The following SORCS2 variants were observed in gnomAD, a reference collection of about 807,000 sequenced individuals.
The protein encoded by SORCS2 is sortilin related VPS10 domain containing receptor 2, also known as VPS10 domain-containing receptor SorCS2.
In SORCS2, 100 loss-of-function variants were observed where a neutral mutation model predicts 141.6. The observed-to-expected ratio is 0.71, with a 90% CI of 0.60 to 0.83. The LOEUF (loss-of-function observed/expected upper bound fraction) is 0.83. Ranked by LOEUF, SORCS2 falls within the 40% of genes least tolerant of loss-of-function variation. The probability of loss-of-function intolerance (pLI) is 0.00; values close to 1 mark genes in which losing one functional copy is unlikely to be tolerated. For missense variants in SORCS2, 1,646 were observed against 1,560.2 expected, an observed-to-expected ratio of 1.05 and a Z score of -0.93; for synonymous variants, 789 against 676.9, an observed-to-expected ratio of 1.17 and a Z score of -2.57.
At chr4:7,557,951 A>C (rs1280106703) in intron 3 of SORCS2, among the ~76,000 whole-genome samples, 1 of 152,234 alleles carries the variant, frequency 6.6e-6, no homozygotes. Context: ...AGGCAGAGCG[A>C]CCTACTCACA....
At chr4:7,639,536 T>C (rs1255884806) in intron 4 of SORCS2, among the ~76,000 whole-genome samples, 3 of 100,864 alleles carry the variant, frequency 3.0e-5, no homozygotes, top group Admixed American at 1.0e-4. Context: ...TGTGGGGGGG[T>C]GTTAGTGTGA....
At chr4:7,690,194 G>T (rs530076300) in intron 11 of SORCS2, among the ~76,000 whole-genome samples, 9 of 151,556 alleles carry the variant, frequency 5.9e-5, no homozygotes, top group Non-Finnish European at 1.3e-4. Context: ...TAGATGGATG[G>T]ATGAGTGGAT....
chr4:7,540,773 AC>A (rs1290702858), intron 3 of SORCS2, among the ~76,000 whole-genome samples: 1 of 151,238 alleles, frequency 6.6e-6, no homozygotes, highest in African/African-American at 2.4e-5. Flanking sequence ...TGGCTTTCCG[AC>A]CCCCCTGCCC....
intron 14 of SORCS2, among the ~76,000 whole-genome samples, chr4:7,710,098 A>G (rs1560501592): frequency 6.6e-6 from 1 of 152,146 alleles, no homozygotes; most frequent in African/African-American, 2.4e-5. Context: ...TAGTCAACCA[A>G]ACCAGCCTCT....
chr4:7,273,081 C>A (rs141406147), intron 1 of SORCS2, among the ~76,000 whole-genome samples: 1 of 152,368 alleles, frequency 6.6e-6, no homozygotes, highest in African/African-American at 2.4e-5. Flanking sequence ...GGCTTTAGAA[C>A]ATGAGCTTGC....
intron 3 of SORCS2, among the ~76,000 whole-genome samples, chr4:7,599,593 C>T (rs1198487964): frequency 6.6e-6 from 1 of 152,178 alleles, no homozygotes; most frequent in Non-Finnish European, 1.5e-5. Flanking sequence ...TGCTTCCCTG[C>T]AAACTGCACA....
At position 7,658,321 on chromosome 4, in the gene SORCS2, G is replaced by A. The variant is rs79373544; in HGVS notation, c.888-3179G>A. ...TGGGTGAGTGAGTGAGTCTGTGACT[G>A]GGTGAGTGGGTGAATGAATGAGTGA... On this transcript the variant is annotated intron_variant, in intron 5 of 26. Transcript: ENST00000507866. 2.0e-5 allele frequency among the ~76,000 whole-genome samples: 3 copies of A among 150,816 alleles called. 1 individual carries two copies. The highest frequency in any genetic ancestry group is 2.0e-4 in the Admixed American group (3 of 15,236).
At chr4:7,659,814 C>T (rs1311350455) in intron 5 of SORCS2, among the ~76,000 whole-genome samples, 2 of 152,200 alleles carry the variant, frequency 1.3e-5, no homozygotes. Flanking sequence ...GGTGGGGCAG[C>T]TGTACTTCTC....
chr4:7,388,248 G>A (rs1723603795), intron 1 of SORCS2, among the ~76,000 whole-genome samples: 1 of 152,186 alleles, frequency 6.6e-6, no homozygotes, highest in Non-Finnish European at 1.5e-5. Context: ...CAGCTGCAGT[G>A]ACTGGGAGGA....
intron 1 of SORCS2, among the ~76,000 whole-genome samples, chr4:7,313,180 A>G (rs1015914682): frequency 6.6e-6 from 1 of 152,260 alleles, no homozygotes; most frequent in Admixed American, 6.5e-5. Context: ...CGATGCATTC[A>G]TTGTGCACCA....
chr4:7,680,076 T>C (rs1274722814), intron 9 of SORCS2, among the ~76,000 whole-genome samples: 1 of 152,248 alleles, frequency 6.6e-6, no homozygotes, highest in East Asian at 1.9e-4. Context: ...GTCCCCATCC[T>C]GCCTGCCTTG....
At chr4:7,626,883 C>T (rs778651000) in intron 3 of SORCS2, among the ~76,000 whole-genome samples, 12 of 152,194 alleles carry the variant, frequency 7.9e-5, no homozygotes, top group South Asian at 2.1e-4. Flanking sequence ...ATGAAAAATT[C>T]GAGTCCCAGT....
In SORCS2 at chr4:7,405,417, C is replaced by A. The variant is rs1338452175; in HGVS notation, c.548+9062C>A. ...TGAGTTGGTATTTTGGTAGGAATTA[C>A]ATTGAACCTGTAGATTGCTTTGGAA... On this transcript the variant is annotated intron_variant, in intron 2 of 26. Transcript: ENST00000507866. 3.7e-5 allele frequency among the ~76,000 whole-genome samples: 4 copies of A among 109,518 alleles called. No homozygotes were observed. The East Asian group carries it at 7.9e-4, about 22-fold the overall frequency. 71.8% of individuals were successfully genotyped at this position (109,518 alleles called of 152,430 possible). A position where few individuals can be genotyped will look rare whatever the true frequency, so the allele number is the denominator to read the frequency against.
At chr4:7,550,481 A>G (rs1713615986) in intron 3 of SORCS2, among the ~76,000 whole-genome samples, 1 of 152,210 alleles carries the variant, frequency 6.6e-6, no homozygotes, top group Admixed American at 6.5e-5. Context: ...ATCGGCAGAC[A>G]CCAACGCAGG....
chr4:7,599,022 G>A (rs1046013053), intron 3 of SORCS2, among the ~76,000 whole-genome samples: 1 of 152,226 alleles, frequency 6.6e-6, no homozygotes, highest in South Asian at 2.1e-4. Context: ...GGAGGCAGCC[G>A]GGAGAAGTGG....
At chr4:7,724,629 G>A (rs111203715) in intron 19 of SORCS2, among the ~76,000 whole-genome samples, 3 of 135,670 alleles carry the variant, frequency 2.2e-5, no homozygotes, top group African/African-American at 8.5e-5. Context: ...GGATGGTGAT[G>A]GTGGTGATGG....
chr4:7,248,095 G>A lies in SORCS2; in HGVS notation c.480+54969G>A, dbSNP rs1334448885. 3.3e-5 allele frequency among the ~76,000 whole-genome samples: 5 copies of A among 152,308 alleles called. No homozygotes were observed. The East Asian group carries it at 9.7e-4, about 29-fold the overall frequency. ...CCGGGGGCCATGGGTTTCATGAAAG[G>A]TCTGGCCGGGCCTGAGCCCGGATCC... is the stretch of plus-strand genomic sequence containing the variant. On this transcript the variant is annotated intron_variant, in intron 1 of 26. Transcript: ENST00000507866.
chr4:7,373,458 T>TATATATATATATATATATATATATATA lies in SORCS2; in HGVS notation c.481-22830_481-22829insATATATATATATATATATATATATATA, dbSNP rs60884163. Among the ~76,000 whole-genome samples the TATATATATATATATATATATATATATA allele has an allele frequency of 5.2e-4, 43 of 82,798 alleles. 5 individuals carry two copies. Among genetic ancestry groups the TATATATATATATATATATATATATATA allele is most frequent in the East Asian group, 1.2e-3 (2 of 1,618 alleles). The allele number at this position is 82,798 out of a possible 152,430, so 54.3% of individuals were successfully genotyped here. On this transcript the variant is annotated intron_variant, in intron 1 of 26. Coordinates refer to ENST00000507866, the MANE Select transcript of SORCS2 (RefSeq NM_020777.3). ...TGTTGTATTGAATTGTGAGAAACTT[T>TATATATATATATATATATATATATATA]TATATATATATATATATATATTTTT...
At chr4:7,378,557 C>T (rs188299309) in intron 1 of SORCS2, among the ~76,000 whole-genome samples, 5 of 152,172 alleles carry the variant, frequency 3.3e-5, no homozygotes, top group East Asian at 1.9e-4. Context: ...TCACCTATCA[C>T]GAGAATGGCA....
Sources: allele counts gnomAD v4.1 joint callset (sites outside exome capture counted in the v4.1 genomes callset), GRCh38; gene constraint gnomAD v4.1.1; transcripts MANE v1.5; gene names NCBI Gene and HGNC (gene_info 2026-07-23, HGNC 2026-07-21).